Variants in ATP11C observed in about 807,000 individuals in gnomAD.
ATP11C encodes ATPase phospholipid transporting 11C (ATP11C blood group), also known as phospholipid-transporting ATPase IG.
A neutral mutation model predicts 97.4 loss-of-function variants in ATP11C; 36 were observed. The ratio of observed to expected loss-of-function variants is 0.37; its 90% CI spans 0.28 to 0.49. ATP11C has a LOEUF of 0.49. Among genes scored for constraint, ATP11C ranks in the 20% least tolerant of loss-of-function variants. The pLI is 0.98. For missense variants in ATP11C, 730 were observed against 824.6 expected (o/e 0.89, Z 1.40); for synonymous variants, 275 against 290.9 (o/e 0.95, Z 0.56).
chrX:139,842,083 G>C (rs2083841847), intron 1 of ATP11C, among the ~76,000 whole-genome samples: 1 of 112,536 alleles, frequency 8.9e-6, no homozygotes, highest in Admixed American at 9.3e-5. Flanking sequence ...CCAGGCTGGA[G>C]TGCAGTGGTG....
At chrX:139,921,419 T>A (rs1242300897) in intron 1 of ATP11C, among the ~76,000 whole-genome samples, 1 of 111,492 alleles carries the variant, frequency 9.0e-6, no homozygotes, top group Non-Finnish European at 1.9e-5. Flanking sequence ...TGAGGGTGTC[T>A]TGCGTCCTAA....
intron 6 of ATP11C, among the ~76,000 whole-genome samples, chrX:139,804,035 C>A (rs1311495298): frequency 1.8e-5 from 2 of 110,452 alleles, no homozygotes; most frequent in Non-Finnish European, 3.8e-5. Context: ...TCAAATTACT[C>A]CAGGTTGGGT....
chrX:139,779,444 C>T lies in ATP11C; in HGVS notation c.1952+3103G>A, dbSNP rs150889860. On this transcript the variant is annotated intron_variant, in intron 18 of 29. Transcript: ENST00000682941. ...ATACCAAGGGGAACTCTCAAGACCA[C>T]ATCAGTACATATAAACTGAACAACT... 5.7e-3 allele frequency among the ~76,000 whole-genome samples: 639 copies of T among 111,966 alleles called. 10 individuals carry two copies. The highest frequency in any genetic ancestry group is 0.019 in the African/African-American group (586 of 30,819).
chrX:139,854,342 T>C (rs994594123), intron 1 of ATP11C, among the ~76,000 whole-genome samples: 1 of 112,576 alleles, frequency 8.9e-6, no homozygotes, highest in South Asian at 3.6e-4. Flanking sequence ...GTTAACGTAT[T>C]ATCCTAACTT....
At chrX:139,868,143 A>T (rs998834336) in intron 1 of ATP11C, among the ~76,000 whole-genome samples, 2 of 111,740 alleles carry the variant, frequency 1.8e-5, no homozygotes, top group Non-Finnish European at 3.8e-5. Flanking sequence ...CATACATGAA[A>T]ATCAACACAA....
intron 5 of ATP11C, among the ~76,000 whole-genome samples, chrX:139,811,807 A>T (rs1365156926): frequency 9.0e-6 from 1 of 111,227 alleles, no homozygotes; most frequent in East Asian, 2.8e-4. Context: ...TCATCTGTAA[A>T]GAGAGGATAA....
At chrX:139,875,864 C>A (rs1296568816) in intron 1 of ATP11C, among the ~76,000 whole-genome samples, 3 of 111,637 alleles carry the variant, frequency 2.7e-5, no homozygotes, top group African/African-American at 9.8e-5. Flanking sequence ...AATCACATAC[C>A]TTCTTAGGAG....
At chrX:139,750,964 TCAAA>T (rs1446283399) in intron 23 of ATP11C, among the ~76,000 whole-genome samples, 2 of 112,380 alleles carry the variant, frequency 1.8e-5, no homozygotes, top group African/African-American at 3.2e-5. Flanking sequence ...CTAAAGATTG[TCAAA>T]CAAACATTTT....
chrX:139,846,005 A>G (rs969636261), intron 1 of ATP11C, among the ~76,000 whole-genome samples: 3 of 112,202 alleles, frequency 2.7e-5, no homozygotes, highest in Non-Finnish European at 5.6e-5. Context: ...CATAAACTTC[A>G]TTATGGATCT....
At position 139,726,532 on chromosome X, in the gene ATP11C, T is replaced by G. The variant is rs1364311833; in HGVS notation, c.*2434A>C. 1 of 112,582 alleles carries G rather than the reference T, an allele frequency of 8.9e-6. No individual in the cohort carries two copies. The highest frequency in any genetic ancestry group is 1.9e-5 in the Non-Finnish European group (1 of 53,234). 9.3% of individuals were successfully genotyped at this position (112,582 alleles called of 1,213,427 possible). On this transcript the variant is annotated 3_prime_UTR_variant, in exon 30 of 30. Transcript: ENST00000682941. ...CCATTTTGCAAGCTGAAAAATGATT[T>G]TGTCAACACGCATAAAATCTGCACA...
intron 29 of ATP11C, 108 bp from the exon 30 acceptor site, chrX:139,729,070 A>G: frequency 1.8e-6 from 1 of 563,193 alleles, no homozygotes; most frequent in Non-Finnish European, 2.8e-6. Context: ...AGAGTAAAGC[A>G]ACTGTCTTAA....
intron 1 of ATP11C, among the ~76,000 whole-genome samples, chrX:139,868,768 T>C (rs1183657936): frequency 9.3e-6 from 1 of 107,281 alleles, no homozygotes. Flanking sequence ...TACAACATAA[T>C]AGCAAAAAAC....
At chrX:139,839,456 G>A (rs746770905) in intron 1 of ATP11C, among the ~76,000 whole-genome samples, 5 of 112,074 alleles carry the variant, frequency 4.5e-5, no homozygotes, top group African/African-American at 1.6e-4. Context: ...CACAGTTGAT[G>A]CATCCATTCA....
intron 12 of ATP11C, among the ~76,000 whole-genome samples, chrX:139,790,004 T>C (rs1208957450): frequency 2.8e-5 from 3 of 108,668 alleles, no homozygotes; most frequent in Non-Finnish European, 5.7e-5. Flanking sequence ...TACTCCAACC[T>C]GGGTGATAGA....
At chrX:139,823,541 T>TA in intron 2 of ATP11C, among the ~76,000 whole-genome samples, 1 of 112,317 alleles carries the variant, frequency 8.9e-6, no homozygotes, top group African/African-American at 3.2e-5. Flanking sequence ...AATTTATCAT[T>TA]AAAAATGCTG....
chrX:139,764,422 G>A (rs2082096101), intron 20 of ATP11C, among the ~76,000 whole-genome samples: 1 of 112,490 alleles, frequency 8.9e-6, no homozygotes, highest in African/African-American at 3.2e-5. Context: ...TCTGCCTTGG[G>A]GTTCTCCAAA....
chrX:139,789,316 T>C lies in ATP11C; in HGVS notation c.1368+11A>G, dbSNP rs752568289. On this transcript the variant is annotated intron_variant, in intron 13 of 29. Transcript: ENST00000682941. ...ATTGGTTTCTTATATAAAACAATAA[T>C]GCAAATGCACCTTATCTACTTTGTC... 4.8e-5 allele frequency: 57 copies of C among 1,181,852 alleles called. No individual in the cohort carries two copies. The highest frequency in any genetic ancestry group is 6.0e-5 in the Non-Finnish European group (53 of 877,143).
At chrX:139,919,130 C>A (rs2085206650) in intron 1 of ATP11C, among the ~76,000 whole-genome samples, 1 of 110,469 alleles carries the variant, frequency 9.1e-6, no homozygotes, top group Admixed American at 9.7e-5. Flanking sequence ...GTAATTCCAG[C>A]TGCTCAGGAG....
At chrX:139,840,867 G>T (rs1335873501) in intron 1 of ATP11C, among the ~76,000 whole-genome samples, 1 of 110,559 alleles carries the variant, frequency 9.0e-6, no homozygotes, top group East Asian at 2.8e-4. Context: ...AAAGACTGAA[G>T]GGTGGGAAGG....
Sources: allele counts gnomAD v4.1 joint callset (sites outside exome capture counted in the v4.1 genomes callset), GRCh38; gene constraint gnomAD v4.1.1; transcripts MANE v1.5; gene names NCBI Gene and HGNC (gene_info 2026-07-23, HGNC 2026-07-21).